TMPRSS9: variants seen among roughly 807,000 people sequenced by gnomAD.
The protein encoded by TMPRSS9 is transmembrane serine protease 9.
Under a neutral mutation model 111.4 loss-of-function variants are expected in TMPRSS9, and 113 were observed. The ratio of observed to expected loss-of-function variants is 1.01; its 90% CI spans 0.87 to 1.19. The LOEUF (loss-of-function observed/expected upper bound fraction) is 1.19. Among genes scored for constraint, TMPRSS9 ranks in the 50% most tolerant of loss-of-function variants. The pLI, the probability that TMPRSS9 is intolerant of heterozygous loss-of-function variation, is 0.00. For synonymous variants in TMPRSS9, 805 were observed against 659.1 expected, an observed-to-expected ratio of 1.22 and a Z score of -3.39; for missense variants, 1,803 against 1,513.1, an observed-to-expected ratio of 1.19 and a Z score of -3.18.
chr19:2,363,142 C>T (rs796998213), intron 1 of TMPRSS9, among the ~76,000 whole-genome samples: 34 of 152,320 alleles, frequency 2.2e-4, no homozygotes, highest in African/African-American at 7.2e-4. Context: ...AGCGTGTGAA[C>T]GTGAGTTGGG....
At chr19:2,361,021 C>T (rs1009524266) in intron 1 of TMPRSS9, among the ~76,000 whole-genome samples, 15 of 149,362 alleles carry the variant, frequency 1.0e-4, no homozygotes, top group African/African-American at 3.7e-4. Flanking sequence ...CTGTTCCCAC[C>T]CAGAGTCCTC....
At chr19:2,400,100 T>C (rs1970798215) in intron 4 of TMPRSS9, among the ~76,000 whole-genome samples, 1 of 152,226 alleles carries the variant, frequency 6.6e-6, no homozygotes, top group Non-Finnish European at 1.5e-5. Context: ...AGCACAAAAG[T>C]AGCCACAGAC....
intron 1 of TMPRSS9, 30 bp from the exon 3 acceptor site, chr19:2,396,508 GC>G (rs1568177917): frequency 6.4e-7 from 1 of 1,565,318 alleles, no homozygotes; most frequent in Non-Finnish European, 8.7e-7. Context: ...CCAAAGGTGG[GC>G]TCTCTCACGG....
intron 7 of TMPRSS9, among the ~76,000 whole-genome samples, chr19:2,407,928 C>T (rs1048798777): frequency 1.1e-4 from 16 of 151,938 alleles, no homozygotes; most frequent in Non-Finnish European, 2.1e-4. Flanking sequence ...GGATTACAGG[C>T]GCCCATCACT....
chr19:2,411,103 C>T (rs1200605743), intron 9 of TMPRSS9, among the ~76,000 whole-genome samples: 2 of 151,624 alleles, frequency 1.3e-5, no homozygotes, highest in Non-Finnish European at 2.9e-5. Flanking sequence ...AGTTTGAGAC[C>T]AGCCTGAGCA....
intron 8 of TMPRSS9, among the ~76,000 whole-genome samples, chr19:2,409,780 GGGT>G (rs745819774): frequency 3.3e-5 from 5 of 152,250 alleles, no homozygotes; most frequent in East Asian, 1.9e-4. Context: ...TATTTAGCAA[GGGT>G]GGTGCTGGCT....
At chr19:2,406,340 C>A (rs113357148) in intron 7 of TMPRSS9, among the ~76,000 whole-genome samples, 1 of 100,680 alleles carries the variant, frequency 9.9e-6, no homozygotes, top group Non-Finnish European at 1.9e-5. Flanking sequence ...TTTATTTTTT[C>A]TTTTGAGACA....
chr19:2,360,797 G>T (rs1245013811), intron 1 of TMPRSS9, among the ~76,000 whole-genome samples: 1 of 151,750 alleles, frequency 6.6e-6, no homozygotes, highest in African/African-American at 2.4e-5. Flanking sequence ...TGCACGTAGG[G>T]TTGTGTGGAC....
upstream of TMPRSS9, among the ~76,000 whole-genome samples, chr19:2,387,786 G>C (rs1027905184): frequency 2.0e-5 from 3 of 152,080 alleles, no homozygotes; most frequent in Non-Finnish European, 4.4e-5. Flanking sequence ...GGGTGTGAAG[G>C]TCAGGAGCAC....
At chr19:2,374,560 G>A (rs952089970) in intron 1 of TMPRSS9, among the ~76,000 whole-genome samples, 2 of 151,772 alleles carry the variant, frequency 1.3e-5, no homozygotes, top group Admixed American at 6.6e-5. Context: ...GAGACAGAGC[G>A]AGACTCCGTC....
intron 1 of TMPRSS9, among the ~76,000 whole-genome samples, chr19:2,361,675 G>A (rs975012932): frequency 1.3e-5 from 2 of 152,274 alleles, no homozygotes; most frequent in South Asian, 2.1e-4. Flanking sequence ...ACAGGCGTCC[G>A]TGCTCGAGGG....
At chr19:2,365,728 G>T (rs1320423628) in intron 1 of TMPRSS9, among the ~76,000 whole-genome samples, 1 of 152,166 alleles carries the variant, frequency 6.6e-6, no homozygotes, top group Admixed American at 6.6e-5. Flanking sequence ...TATTTGGGAG[G>T]CTGAGGCAGG....
intron 13 of TMPRSS9, among the ~76,000 whole-genome samples, chr19:2,419,194 CTCTG>C (rs779756448): frequency 1.7e-4 from 23 of 135,778 alleles, no homozygotes; most frequent in Non-Finnish European, 2.7e-4. Context: ...CTCTCTCTCT[CTCTG>C]TCTTTCTCTC....
rs762761358 is a variant in TMPRSS9, at chr19:2,368,774, G to GTTTTTTTTTTTTTTTTTTTTTTTT, written c.-26+8418_-26+8441dup. Among the ~76,000 whole-genome samples, 12 of 70,384 alleles carry GTTTTTTTTTTTTTTTTTTTTTTTT rather than the reference G, an allele frequency of 1.7e-4. 2 individuals are homozygous for GTTTTTTTTTTTTTTTTTTTTTTTT. The highest frequency in any genetic ancestry group is 5.0e-4 in the East Asian group (1 of 1,998). The allele number at this position is 70,384 out of a possible 152,430, so 46.2% of individuals were successfully genotyped here. On this transcript the variant is annotated intron_variant, in intron 1 of 17. Transcript: ENST00000649857. ...TGCCAGGGCATCAAGGATAAACCCAGTTTTTTTTTTTTTTTTTTTTTTTTT... is the reference window on the plus strand; with the variant it reads ...TGCCAGGGCATCAAGGATAAACCCAGTTTTTTTTTTTTTTTTTTTTTTTTTTTTTTTTTTTTTTTTTTTTTTTTT...
chr19:2,390,315 T>C (rs1249249460), intron 1 of TMPRSS9, among the ~76,000 whole-genome samples: 7 of 132,926 alleles, frequency 5.3e-5, no homozygotes, highest in South Asian at 5.2e-4. Flanking sequence ...ATATCTCGGC[T>C]CACTGCAAGC....
chr19:2,425,436 G>T, exon 17 of TMPRSS9: 3 of 1,591,440 alleles, frequency 1.9e-6, no homozygotes. Flanking sequence ...ACCCAGTGCA[G>T]ATCAGCAGCC....
intron 1 of TMPRSS9, among the ~76,000 whole-genome samples, chr19:2,371,719 A>G (rs1464928348): frequency 6.9e-6 from 1 of 144,066 alleles, no homozygotes; most frequent in African/African-American, 2.8e-5. Flanking sequence ...CCAAGAAAAA[A>G]AAAAAACAAA....
chr19:2,422,870 A>G (rs573408009), intron 14 of TMPRSS9, among the ~76,000 whole-genome samples: 3 of 152,256 alleles, frequency 2.0e-5, no homozygotes, highest in African/African-American at 4.8e-5. Flanking sequence ...CCTGGGCAAC[A>G]GAGTGAGACT....
rs1239660096 is a variant in TMPRSS9, at chr19:2,408,635, G to C, written c.1117+5G>C. 6.2e-7 allele frequency: 1 copy of C among 1,607,126 alleles called. No homozygotes were observed. Among genetic ancestry groups the C allele is most frequent in the Admixed American group, 1.7e-5 (1 of 59,900 alleles). On this transcript the variant is annotated splice_donor_5th_base_variant and intron_variant, in intron 8 of 17. Coordinates refer to ENST00000648592, the Ensembl canonical transcript of TMPRSS9. ...GCTACCTCAAGGAGGACTTCCGTAA[G>C]CATCTTCCTCGGCCTGCAAGTGAGC...
Sources: gnomAD v4.1 joint callset for allele counts (sites outside exome capture counted in the v4.1 genomes callset) on GRCh38, gnomAD v4.1.1 for gene constraint, MANE v1.5 for transcripts, NCBI Gene and HGNC (gene_info 2026-07-23, HGNC 2026-07-21) for gene names.